The following PCSK2 variants were observed in gnomAD, a reference collection of about 807,000 sequenced individuals.
PCSK2 encodes proprotein convertase subtilisin/kexin type 2.
Under a neutral mutation model 69.7 loss-of-function variants are expected in PCSK2, and 14 were observed. The ratio of observed to expected loss-of-function variants is 0.20; its 90% CI spans 0.13 to 0.31. The LOEUF (loss-of-function observed/expected upper bound fraction) is 0.31. PCSK2 is among the 10% of genes least tolerant of loss of function. The pLI, the probability that PCSK2 is intolerant of heterozygous loss-of-function variation, is 1.00. For synonymous variants in PCSK2, 307 were observed against 320.7 expected, an observed-to-expected ratio of 0.96 and a Z score of 0.46; for missense variants, 544 against 842.5, an observed-to-expected ratio of 0.65 and a Z score of 4.39.
intron 5 of PCSK2, among the ~76,000 whole-genome samples, chr20:17,378,590 C>CGGATGGATGGATGGAT (rs57945532): frequency 7.3e-6 from 1 of 136,192 alleles, no homozygotes; most frequent in Non-Finnish European, 1.6e-5. Context: ...GATGGATGGA[C>CGGATGGATGGATGGAT]GGATGGATGG....
At chr20:17,440,059 T>C (rs561636380) in intron 8 of PCSK2, among the ~76,000 whole-genome samples, 26 of 152,338 alleles carry the variant, frequency 1.7e-4, no homozygotes, top group African/African-American at 6.3e-4. Flanking sequence ...TGCAGGGATA[T>C]TTCAGCAGGT....
At chr20:17,281,588 C>G (rs1363509010) in intron 2 of PCSK2, among the ~76,000 whole-genome samples, 1 of 152,176 alleles carries the variant, frequency 6.6e-6, no homozygotes, top group African/African-American at 2.4e-5. Flanking sequence ...TCTCTTTATT[C>G]TAATTAATCT....
chr20:17,449,583 TG>T (rs1292437008), intron 8 of PCSK2, among the ~76,000 whole-genome samples: 1 of 148,108 alleles, frequency 6.8e-6, no homozygotes, highest in African/African-American at 2.6e-5. Context: ...CAGGCTGGAG[TG>T]CAATAGCGCG....
chr20:17,461,238 A>G (rs2033009458), intron 10 of PCSK2, among the ~76,000 whole-genome samples: 1 of 152,206 alleles, frequency 6.6e-6, no homozygotes, highest in Non-Finnish European at 1.5e-5. Flanking sequence ...ACGTCCTTAT[A>G]GGACGTGAGC....
intron 2 of PCSK2, among the ~76,000 whole-genome samples, chr20:17,262,527 C>T (rs1987430198): frequency 6.6e-6 from 1 of 151,650 alleles, no homozygotes; most frequent in African/African-American, 2.4e-5. Flanking sequence ...AGGTCTGAGT[C>T]TTTCCTGCAT....
chr20:17,475,812 C>T (rs2123418642), intron 11 of PCSK2, among the ~76,000 whole-genome samples: 1 of 152,304 alleles, frequency 6.6e-6, no homozygotes, highest in Middle Eastern at 3.4e-3. Flanking sequence ...TTTATAATAT[C>T]TATAATGATT....
chr20:17,282,254 C>T (rs1988344317), intron 2 of PCSK2, among the ~76,000 whole-genome samples: 1 of 152,048 alleles, frequency 6.6e-6, no homozygotes, highest in Admixed American at 6.6e-5. Context: ...CACATAAACA[C>T]ACACACACAC....
chr20:17,434,205 C>G (rs1054529876), intron 7 of PCSK2, among the ~76,000 whole-genome samples: 6 of 150,048 alleles, frequency 4.0e-5, no homozygotes, highest in Non-Finnish European at 8.9e-5. Flanking sequence ...CTCTCTCTCT[C>G]TCTCCCAGTC....
chr20:17,228,701 C>T (rs1310025424), intron 1 of PCSK2, among the ~76,000 whole-genome samples: 1 of 152,162 alleles, frequency 6.6e-6, no homozygotes, highest in Non-Finnish European at 1.5e-5. Context: ...CCTGACTTCC[C>T]AAGCCTCCCG....
At chr20:17,471,734 C>T (rs1013725712) in intron 11 of PCSK2, among the ~76,000 whole-genome samples, 4 of 152,242 alleles carry the variant, frequency 2.6e-5, no homozygotes, top group Non-Finnish European at 2.9e-5. Context: ...AGGGCAAATA[C>T]ACTTGTTGAA....
intron 5 of PCSK2, among the ~76,000 whole-genome samples, chr20:17,372,762 G>A (rs563270358): frequency 3.9e-5 from 6 of 152,304 alleles, no homozygotes; most frequent in Non-Finnish European, 5.9e-5. Flanking sequence ...ACTACCTCGT[G>A]CTTGATTCCT....
chr20:17,350,875 T>C (rs2029962187), intron 2 of PCSK2, among the ~76,000 whole-genome samples: 1 of 151,872 alleles, frequency 6.6e-6, no homozygotes, highest in Non-Finnish European at 1.5e-5. Context: ...AAACCCCATC[T>C]CTATTAAAAC....
rs59035804 is a variant in PCSK2, at chr20:17,246,613, G to A, written c.178-13627G>A. On this transcript the variant is annotated intron_variant, in intron 1 of 11. Coordinates refer to ENST00000262545, the MANE Select transcript of PCSK2 (RefSeq NM_002594.5). ...GCAGGATATCCTCCAGAAAATGCCT[G>A]AATGAATGGTGCCTCTACTCTCTGC... Among the ~76,000 whole-genome samples the A allele has an allele frequency of 4.2e-3, 644 of 152,100 alleles. 8 individuals are homozygous for A. Among genetic ancestry groups the A allele is most frequent in the Middle Eastern group, 0.017 (5 of 294 alleles).
At chr20:17,285,578 T>A (rs984242440) in intron 2 of PCSK2, among the ~76,000 whole-genome samples, 1 of 152,230 alleles carries the variant, frequency 6.6e-6, no homozygotes, top group African/African-American at 2.4e-5. Context: ...ACTGTAAATC[T>A]CTCACTAGCC....
intron 2 of PCSK2, among the ~76,000 whole-genome samples, chr20:17,315,806 G>A (rs1039434320): frequency 1.3e-5 from 2 of 152,202 alleles, no homozygotes; most frequent in African/African-American, 4.8e-5. Flanking sequence ...GTCCTGGCCC[G>A]TGGCTGTCAT....
chr20:17,251,561 T>A (rs1232798940), intron 1 of PCSK2, among the ~76,000 whole-genome samples: 2 of 152,216 alleles, frequency 1.3e-5, no homozygotes, highest in Non-Finnish European at 2.9e-5. Flanking sequence ...TCTGAGCTGC[T>A]CCAAGACGGT....
chr20:17,283,190 A>C lies in PCSK2; in HGVS notation c.282+22846A>C, dbSNP rs180829904. ...TGGAGAGATAGGTGGATACACAGAT[A>C]AATAAACCTGATAGAAAGATGATAG... On this transcript the variant is annotated intron_variant, in intron 2 of 11. Transcript: ENST00000262545. Among the ~76,000 whole-genome samples, 20 of 152,350 alleles carry C rather than the reference A, an allele frequency of 1.3e-4. No individual in the cohort carries two copies. The East Asian group carries it at 3.5e-3, about 26-fold the overall frequency.
At position 17,465,392 on chromosome 20, in the gene PCSK2, C is replaced by G; in HGVS notation, c.1269C>G (p.His423Gln). The change falls in exon 11 of 12, where the codon CAC becomes CAG. Residue 423 changes from histidine (H) to glutamine (Q), a missense_variant. Physicochemically the swap from His to Gln is conservative, Grantham distance 24. Transcript: ENST00000262545. ...TCACCTCCAAACGGAACCAGCTTCA[C>G]GACGAGGTCCATCAGTGGCGGCGCA... is the stretch of plus-strand genomic sequence containing the variant. ...TVLTSKRNQL[H>Q]DEVHQWRRNG... The G allele has an allele frequency of 6.2e-7, 1 of 1,614,176 alleles. No individual in the cohort carries two copies. Among genetic ancestry groups the G allele is most frequent in the Non-Finnish European group, 8.5e-7 (1 of 1,180,030 alleles).
chr20:17,301,455 G>A (rs1989080082), intron 2 of PCSK2, among the ~76,000 whole-genome samples: 2 of 152,158 alleles, frequency 1.3e-5, no homozygotes. Flanking sequence ...AAATGTGTGT[G>A]AGTAAACAAA....
Sources: gnomAD v4.1 joint callset for allele counts (sites outside exome capture counted in the v4.1 genomes callset) on GRCh38, gnomAD v4.1.1 for gene constraint, MANE v1.5 for transcripts, NCBI Gene and HGNC (gene_info 2026-07-23, HGNC 2026-07-21) for gene names.